TPO: variants seen among roughly 807,000 people sequenced by gnomAD.
The protein encoded by TPO is thyroid microsomal antigen.
In TPO, 78 loss-of-function variants were observed where a neutral mutation model predicts 96.9. The observed-to-expected ratio is 0.81, with a 90% CI of 0.67 to 0.97. The LOEUF (loss-of-function observed/expected upper bound fraction) is 0.97. Among genes scored for constraint, TPO ranks in the 50% least tolerant of loss-of-function variants. TPO has a pLI of 0.00. For missense variants in TPO, 1,252 were observed against 1,274.8 expected (o/e 0.98, Z 0.27); for synonymous variants, 547 against 538.0 (o/e 1.02, Z -0.23).
At chr2:1,414,310 A>G (rs1662659707) in intron 1 of TPO, 98 bp from the exon 2 acceptor site, 1 of 1,158,878 alleles carries the variant, frequency 8.6e-7, no homozygotes, top group African/African-American at 1.5e-5. Flanking sequence ...GCGTGGAGTC[A>G]GTGGAGGGAG....
rs28909413 is a variant in TPO at position 1,454,716 on chromosome 2, C to T, written c.612+893C>T. On this transcript the variant is annotated intron_variant, in intron 6 of 16. Coordinates refer to ENST00000329066, the MANE Select transcript of TPO (RefSeq NM_001206744.2). ...AAATGGGATAAGACTGTCTTACCCA[C>T]CTTATGCTCAACAGTGGACCAGTTC... 4.9e-3 allele frequency among the ~76,000 whole-genome samples: 746 copies of T among 152,314 alleles called. 11 individuals carry two copies. The highest frequency in any genetic ancestry group is 0.017 in the African/African-American group (686 of 41,572).
intron 5 of TPO, among the ~76,000 whole-genome samples, chr2:1,447,146 A>G (rs1666903515): frequency 6.6e-6 from 1 of 152,186 alleles, no homozygotes; most frequent in Non-Finnish European, 1.5e-5. Context: ...GACGTGCCTC[A>G]TGACACCCTC....
In TPO at chr2:1,504,039, G is replaced by A. The variant is rs1218103583; in HGVS notation, c.2478G>A (p.Ala826=). 21 of 1,614,072 alleles carry A rather than the reference G, an allele frequency of 1.3e-5. No homozygotes were observed. The highest frequency in any genetic ancestry group is 2.7e-5 in the African/African-American group (2 of 74,928). Residue 826 remains alanine (A), a synonymous_variant, in exon 14 of 17, where the codon GCG becomes GCA. Coordinates refer to ENST00000329066, the MANE Select transcript of TPO (RefSeq NM_001206744.2). ...NTKGGFQCLC[A]DPYELGDDGR... ...AAGGCGGCTTCCAGTGTCTCTGCGC[G>A]GACCCCTACGAGTTAGGAGACGATG... is the stretch of plus-strand genomic sequence containing the variant.
intron 8 of TPO, chr2:1,478,452 G>C (rs1670200190): frequency 1.0e-6 from 1 of 965,190 alleles, no homozygotes; most frequent in African/African-American, 1.8e-5. Context: ...AGCCTTGTCC[G>C]AGGAGGCACA....
intron 1 of TPO, among the ~76,000 whole-genome samples, chr2:1,397,109 G>A (rs1208025970): frequency 6.6e-6 from 1 of 152,154 alleles, no homozygotes; most frequent in Admixed American, 6.5e-5. Context: ...GCCTCATAAA[G>A]ATGCCGTAAG....
At chr2:1,401,323 C>G (rs1662167977) in intron 1 of TPO, among the ~76,000 whole-genome samples, 1 of 152,212 alleles carries the variant, frequency 6.6e-6, no homozygotes, top group African/African-American at 2.4e-5. Flanking sequence ...GGGCAGTGAC[C>G]TCTCAGATGG....
At chr2:1,397,218 AT>A (rs1662095307) in intron 1 of TPO, among the ~76,000 whole-genome samples, 1 of 152,204 alleles carries the variant, frequency 6.6e-6, no homozygotes, top group Admixed American at 6.5e-5. Flanking sequence ...TTCTGTTTAT[AT>A]TTGCCACAGT....
In TPO at chr2:1,542,591, A is replaced by T. The variant is rs1680888046; in HGVS notation, c.*117A>T. 6.4e-7 allele frequency: 1 copy of T among 1,561,270 alleles called. No individual in the cohort carries two copies. Among genetic ancestry groups the T allele is most frequent in the South Asian group, 1.2e-5 (1 of 84,776 alleles). ...GGACGACTGTTTTCCCAACACGGGT[A>T]AATCTAGTACCATGTCGTAGTTACT... On this transcript the variant is annotated 3_prime_UTR_variant, in exon 17 of 17. Coordinates refer to ENST00000329066, the MANE Select transcript of TPO (RefSeq NM_001206744.2).
intron 1 of TPO, among the ~76,000 whole-genome samples, chr2:1,388,467 T>C (rs1157922126): frequency 6.6e-6 from 1 of 152,194 alleles, no homozygotes; most frequent in Admixed American, 6.5e-5. Context: ...GACTGCTGTG[T>C]TAGCAGTGAG....
chr2:1,386,169 G>A (rs1260063294), intron 1 of TPO, among the ~76,000 whole-genome samples: 1 of 152,208 alleles, frequency 6.6e-6, no homozygotes, highest in African/African-American at 2.4e-5. Context: ...CGGGTGTGGT[G>A]TGGAGAAGAA....
Position 1,489,430 on chromosome 2 carries a change from A to G in TPO, c.1768+1439A>G, listed in dbSNP as rs141801852. Among the ~76,000 whole-genome samples, 1,161 of 152,316 alleles carry G rather than the reference A, an allele frequency of 7.6e-3. 17 individuals are homozygous for G. Among genetic ancestry groups the G allele is most frequent in the African/African-American group, 0.026 (1,086 of 41,584 alleles). ...CTGACTTCCCCAAGCTAACTGTGCC[A>G]CAGAGTGGGGGACCCCCTCCCGGCT... On this transcript the variant is annotated intron_variant, in intron 10 of 16. Coordinates refer to ENST00000329066, the MANE Select transcript of TPO (RefSeq NM_001206744.2).
intron 7 of TPO, among the ~76,000 whole-genome samples, chr2:1,458,701 C>T (rs1668123544): frequency 6.6e-6 from 1 of 152,200 alleles, no homozygotes; most frequent in African/African-American, 2.4e-5. Flanking sequence ...TTCTCATCCT[C>T]TGTGTCACAT....
At chr2:1,392,586 T>C (rs1441904724) in intron 1 of TPO, among the ~76,000 whole-genome samples, 1 of 152,172 alleles carries the variant, frequency 6.6e-6, no homozygotes, top group Non-Finnish European at 1.5e-5. Context: ...ATGGTACCAG[T>C]TCCTCTTTGT....
rs114970861 is a variant in TPO at position 1,404,587 on chromosome 2, C to T, written n.180+30185C>T. On this transcript the variant is annotated intron_variant and non_coding_transcript_variant, in intron 1 of 5. Transcript: ENST00000497517. Reference sequence around the variant, plus strand: ...GACACAGACACACACAGAGGGATGACTGTGTGAAGACGCAGGGGAAGGTGA... The same window carrying T: ...GACACAGACACACACAGAGGGATGATTGTGTGAAGACGCAGGGGAAGGTGA... Among the ~76,000 whole-genome samples, 1,156 of 152,284 alleles carry T rather than the reference C, an allele frequency of 7.6e-3. 13 individuals carry two copies. The highest frequency in any genetic ancestry group is 0.026 in the African/African-American group (1,060 of 41,562).
intron 5 of TPO, among the ~76,000 whole-genome samples, chr2:1,439,824 G>T (rs1558287398): frequency 2.6e-5 from 4 of 152,188 alleles, no homozygotes; most frequent in African/African-American, 9.6e-5. Context: ...TTAGCCTCTG[G>T]ATGGTCCCCT....
rs28909410 is a variant in TPO, at chr2:1,454,618, T to C, written c.612+795T>C. Among the ~76,000 whole-genome samples, 625 of 152,218 alleles carry C rather than the reference T, an allele frequency of 4.1e-3. 5 individuals are homozygous for C. Among genetic ancestry groups the C allele is most frequent in the African/African-American group, 0.014 (583 of 41,534 alleles). ...GCTCCCAGCAGCAGGGACAAGGCAATTGGGCTCACGCTCTGCTCCCACTGG... is the reference window on the plus strand; with the variant it reads ...GCTCCCAGCAGCAGGGACAAGGCAACTGGGCTCACGCTCTGCTCCCACTGG... On this transcript the variant is annotated intron_variant, in intron 6 of 16. Coordinates refer to ENST00000329066, the MANE Select transcript of TPO (RefSeq NM_001206744.2).
chr2:1,530,517 CCCCA>C (rs1677859016), intron 15 of TPO, among the ~76,000 whole-genome samples: 1 of 131,996 alleles, frequency 7.6e-6, no homozygotes, highest in Non-Finnish European at 1.6e-5. Context: ...CCCAAATCTC[CCCCA>C]CTCTGTGCAA....
chr2:1,516,499 C>T (rs574413536), intron 14 of TPO, among the ~76,000 whole-genome samples: 4 of 152,310 alleles, frequency 2.6e-5, no homozygotes, highest in African/African-American at 7.2e-5. Flanking sequence ...GAACCTTTCC[C>T]GCCCCGGTCC....
chr2:1,531,727 CAACCTCCCCAAATCACCCCCACTCTCTGT>C lies in TPO; in HGVS notation c.2619-8838_2619-8810del, dbSNP rs1558426408. Among the ~76,000 whole-genome samples the C allele has an allele frequency of 4.9e-3, 259 of 53,046 alleles. 21 individuals carry two copies. Among genetic ancestry groups the C allele is most frequent in the Non-Finnish European group, 5.7e-3 (152 of 26,786 alleles). 34.8% of individuals were successfully genotyped at this position (53,046 alleles called of 152,430 possible). ...CTCGCCAAATCCCCCCCACTCTCTG[CAACCTCCCCAAATCACCCCCACTCTCTGT>C]AACCTCCCCAAATCACCCCCACTCT... On this transcript the variant is annotated intron_variant, in intron 15 of 16. Coordinates refer to ENST00000329066, the MANE Select transcript of TPO (RefSeq NM_001206744.2).
Sources: gnomAD v4.1 joint callset for allele counts (sites outside exome capture counted in the v4.1 genomes callset) on GRCh38, gnomAD v4.1.1 for gene constraint, MANE v1.5 for transcripts, NCBI Gene and HGNC (gene_info 2026-07-23, HGNC 2026-07-21) for gene names.